Variants in FHIT observed in about 807,000 individuals in gnomAD.
FHIT encodes the protein fragile histidine triad diadenosine triphosphatase.
FHIT carries 19 observed loss-of-function variants against 17.9 expected under a neutral mutation model. That is an observed-to-expected ratio of 1.06 (90% confidence interval 0.74 to 1.56). FHIT has a LOEUF of 1.56. Ranked by LOEUF, FHIT falls within the 40% of genes most tolerant of loss-of-function variation. FHIT has a pLI of 0.00. For synonymous variants in FHIT, 81 were observed against 69.7 expected, an observed-to-expected ratio of 1.16 and a Z score of -0.81; for missense variants, 248 against 189.2, an observed-to-expected ratio of 1.31 and a Z score of -1.82.
intron 2 of FHIT, among the ~76,000 whole-genome samples, chr3:61,143,505 AG>A (rs1009111869): frequency 3.3e-5 from 5 of 152,240 alleles, no homozygotes; most frequent in African/African-American, 1.2e-4. Context: ...GCTTTTGACC[AG>A]CCTTTGACTA....
intron 7 of FHIT, among the ~76,000 whole-genome samples, chr3:59,953,742 T>C (rs1386810746): frequency 6.6e-6 from 1 of 152,198 alleles, no homozygotes; most frequent in Non-Finnish European, 1.5e-5. Context: ...GCAACTGGCA[T>C]TCTCTGCATG....
chr3:60,522,455 T>C (rs903386228), intron 5 of FHIT, among the ~76,000 whole-genome samples: 1 of 152,132 alleles, frequency 6.6e-6, no homozygotes, highest in African/African-American at 2.4e-5. Flanking sequence ...CCTGTTCTTG[T>C]TTCTGTATTT....
At chr3:60,070,198 G>C (rs1035278094) in intron 5 of FHIT, among the ~76,000 whole-genome samples, 1 of 152,144 alleles carries the variant, frequency 6.6e-6, no homozygotes, top group East Asian at 1.9e-4. Context: ...CACCAGGTAG[G>C]TGAGTATCTG....
chr3:60,077,721 C>CATATAT (rs1703084515), intron 5 of FHIT, among the ~76,000 whole-genome samples: 2 of 101,480 alleles, frequency 2.0e-5, no homozygotes, highest in Admixed American at 8.9e-5. Flanking sequence ...CACACACACA[C>CATATAT]ACACACACAT....
intron 3 of FHIT, among the ~76,000 whole-genome samples, chr3:60,876,751 C>A (rs1704677806): frequency 6.6e-6 from 1 of 152,184 alleles, no homozygotes; most frequent in Admixed American, 6.5e-5. Flanking sequence ...ACTAGAAACT[C>A]CAGCACTCAT....
chr3:60,518,184 T>G (rs1049688607), intron 5 of FHIT, among the ~76,000 whole-genome samples: 19 of 152,268 alleles, frequency 1.2e-4, no homozygotes, highest in African/African-American at 4.6e-4. Context: ...TACATGTTAA[T>G]AACATCTTAA....
At chr3:60,130,784 G>GTATATACACACATATATGTGTGTGT (rs148356992) in intron 5 of FHIT, among the ~76,000 whole-genome samples, 61 of 111,726 alleles carry the variant, frequency 5.5e-4, no homozygotes, top group African/African-American at 1.7e-3. Context: ...GTGTGTGTGT[G>GTATATACACACATATATGTGTGTGT]GTGTGTATAT....
intron 2 of FHIT, among the ~76,000 whole-genome samples, chr3:61,093,452 T>G (rs755107565): frequency 6.6e-6 from 1 of 152,022 alleles, no homozygotes; most frequent in Non-Finnish European, 1.5e-5. Context: ...ACAATACAGA[T>G]GACAAGCCCC....
intron 7 of FHIT, among the ~76,000 whole-genome samples, chr3:60,004,100 CA>C (rs1165938545): frequency 1.2e-4 from 19 of 152,086 alleles, no homozygotes; most frequent in African/African-American, 4.3e-4. Context: ...GGCCTTACTA[CA>C]TCAACAAAGG....
chr3:59,834,929 C>A (rs1701288487), intron 8 of FHIT, among the ~76,000 whole-genome samples: 1 of 152,056 alleles, frequency 6.6e-6, no homozygotes, highest in African/African-American at 2.4e-5. Context: ...AACACATTCC[C>A]AAATAGTTTT....
In FHIT at chr3:60,589,635, A is replaced by G. The variant is rs142418304; in HGVS notation, c.-17-52656T>C. 2.0e-4 allele frequency among the ~76,000 whole-genome samples: 31 copies of G among 152,228 alleles called. No homozygotes were observed. In the East Asian group the frequency reaches 5.6e-3, roughly 28 times the overall value. ...ATTTTTAAGATAACTCTGTGGAAGC[A>G]AAATGGCAAGGGCAAAGGATACAGG... is the stretch of plus-strand genomic sequence containing the variant. On this transcript the variant is annotated intron_variant, in intron 4 of 9. Transcript: ENST00000492590.
At chr3:60,161,627 T>C (rs10510831) in intron 5 of FHIT, among the ~76,000 whole-genome samples, 45,322 of 151,830 alleles carry the variant, frequency 0.3, 8,329 homozygotes, top group Non-Finnish European at 0.4. Context: ...ACAGAAGGTA[T>C]GCTGCACATG....
intron 8 of FHIT, among the ~76,000 whole-genome samples, chr3:59,800,546 G>A (rs989945772): frequency 6.6e-6 from 1 of 152,184 alleles, no homozygotes; most frequent in African/African-American, 2.4e-5. Flanking sequence ...TTTTCAAAAT[G>A]AGTTTAAAGC....
chr3:60,536,907 GT>G lies in FHIT; in HGVS notation c.55del (p.Thr19GlnfsTer8). 1 of 1,613,458 alleles carries G rather than the reference GT, an allele frequency of 6.2e-7. No homozygotes were observed. Among genetic ancestry groups the G allele is most frequent in the Non-Finnish European group, 8.5e-7 (1 of 1,179,652 alleles). On this transcript the variant is annotated frameshift_variant, in exon 5 of 10. Transcript: ENST00000492590. LOFTEE classifies it high-confidence loss of function. ...LIKPSVVFLK[T>X]ELSFALVNRK... ...ATTCACAAGAGCGAAGGACAGTTCT[GT>G]TTTGAGAAACACTACAGAGGGCTTG... is the stretch of plus-strand genomic sequence containing the variant.
Position 60,131,069 on chromosome 3 carries a change from A to G in FHIT, c.104-116917T>C, listed in dbSNP as rs80249381. On this transcript the variant is annotated intron_variant, in intron 5 of 9. Transcript: ENST00000492590. ...CACATATATACATACATACACATGTATGTATGTATACACATATATACACAT... is the reference window on the plus strand; with the variant it reads ...CACATATATACATACATACACATGTGTGTATGTATACACATATATACACAT... Among the ~76,000 whole-genome samples the G allele has an allele frequency of 1.7e-3, 84 of 48,220 alleles. 2 individuals carry two copies. The East Asian group carries it at 0.026, about 15-fold the overall frequency. 31.6% of individuals were successfully genotyped at this position (48,220 alleles called of 152,430 possible).
chr3:60,321,193 CA>C (rs1559817401), intron 5 of FHIT, among the ~76,000 whole-genome samples: 1 of 152,178 alleles, frequency 6.6e-6, no homozygotes, highest in Non-Finnish European at 1.5e-5. Context: ...TACATTCTGA[CA>C]GCAGGCCAGG....
At chr3:60,079,628 T>C (rs1443218144) in intron 5 of FHIT, among the ~76,000 whole-genome samples, 1 of 152,034 alleles carries the variant, frequency 6.6e-6, no homozygotes, top group Non-Finnish European at 1.5e-5. Context: ...TTTTTTTGTT[T>C]GGCTTTGTTT....
chr3:60,559,594 T>G (rs1455106787), intron 4 of FHIT, among the ~76,000 whole-genome samples: 1 of 152,192 alleles, frequency 6.6e-6, no homozygotes, highest in Non-Finnish European at 1.5e-5. Flanking sequence ...CAGTATAATG[T>G]TCTGATCCTC....
At chr3:61,240,422 G>A (rs1240750289) in intron 1 of FHIT, among the ~76,000 whole-genome samples, 1 of 152,098 alleles carries the variant, frequency 6.6e-6, no homozygotes, top group African/African-American at 2.4e-5. Context: ...GGCAGCCCTG[G>A]CCCACTTCCT....
Sources: gnomAD v4.1 joint callset for allele counts (sites outside exome capture counted in the v4.1 genomes callset) on GRCh38, gnomAD v4.1.1 for gene constraint, MANE v1.5 for transcripts, NCBI Gene and HGNC (gene_info 2026-07-23, HGNC 2026-07-21) for gene names.